PPP1R9A: variants seen among roughly 807,000 people sequenced by gnomAD.
PPP1R9A encodes the protein neurabin-1.
A neutral mutation model predicts 141.9 loss-of-function variants in PPP1R9A; 59 were observed. The observed-to-expected ratio is 0.42, with a 90% CI of 0.34 to 0.52. The LOEUF (loss-of-function observed/expected upper bound fraction) is 0.52. PPP1R9A is among the 20% of genes least tolerant of loss of function. The pLI, the probability that PPP1R9A is intolerant of heterozygous loss-of-function variation, is 0.10. For missense variants in PPP1R9A, 1,444 were observed against 1,611.9 expected, an observed-to-expected ratio of 0.90 and a Z score of 1.78; for synonymous variants, 500 against 569.7, an observed-to-expected ratio of 0.88 and a Z score of 1.74.
At chr7:95,232,359 A>G (rs570703238) in intron 8 of PPP1R9A, among the ~76,000 whole-genome samples, 31 of 152,298 alleles carry the variant, frequency 2.0e-4, no homozygotes, top group African/African-American at 6.3e-4. Flanking sequence ...TACACCTTAT[A>G]CAAAAATTAT....
intron 2 of PPP1R9A, among the ~76,000 whole-genome samples, chr7:95,048,777 C>T (rs1008657015): frequency 3.9e-5 from 6 of 152,020 alleles, no homozygotes; most frequent in African/African-American, 1.5e-4. Flanking sequence ...AAACTCCTGA[C>T]CTTGTGATCT....
Position 94,909,950 on chromosome 7 carries a change from G to A in PPP1R9A, c.-164G>A, listed in dbSNP as rs1411793543. On this transcript the variant is annotated 5_prime_UTR_variant, in exon 2 of 20. Coordinates refer to ENST00000433360, the MANE Select transcript of PPP1R9A (RefSeq NM_001166160.2). Reference sequence around the variant, plus strand: ...ATCATTCTGTGTAACTCTTGACTGTGACTAAGTTCCTAATACACCTGTTGG... The same window carrying A: ...ATCATTCTGTGTAACTCTTGACTGTAACTAAGTTCCTAATACACCTGTTGG... The A allele has an allele frequency of 3.6e-6, 2 of 563,322 alleles. No homozygotes were observed. Among genetic ancestry groups the A allele is most frequent in the Non-Finnish European group, 6.2e-6 (2 of 321,186 alleles). 34.9% of individuals were successfully genotyped at this position (563,322 alleles called of 1,614,324 possible).
intron 2 of PPP1R9A, among the ~76,000 whole-genome samples, chr7:95,072,994 T>A (rs984781803): frequency 7.3e-6 from 1 of 136,652 alleles, no homozygotes; most frequent in Non-Finnish European, 1.5e-5. Context: ...ATTATTATTA[T>A]TATTATTTTG....
At chr7:94,964,603 G>C (rs1405886625) in intron 2 of PPP1R9A, among the ~76,000 whole-genome samples, 1 of 152,086 alleles carries the variant, frequency 6.6e-6, no homozygotes, top group African/African-American at 2.4e-5. Flanking sequence ...TTCTGTTCCT[G>C]TCGTAGTTTG....
chr7:94,917,416 A>AT (rs539911354), intron 2 of PPP1R9A, among the ~76,000 whole-genome samples: 12 of 151,410 alleles, frequency 7.9e-5, no homozygotes, highest in Non-Finnish European at 1.6e-4. Context: ...AATTTAATTA[A>AT]TTTTTTTTGA....
intron 2 of PPP1R9A, among the ~76,000 whole-genome samples, chr7:95,033,704 G>T (rs1255496378): frequency 1.3e-5 from 2 of 151,928 alleles, no homozygotes; most frequent in Non-Finnish European, 2.9e-5. Context: ...GTCAGAGAAG[G>T]ATCCAATTCC....
chr7:94,941,581 A>C (rs961547823), intron 2 of PPP1R9A, among the ~76,000 whole-genome samples: 4 of 151,942 alleles, frequency 2.6e-5, no homozygotes, highest in Admixed American at 6.6e-5. Flanking sequence ...TGATATGGAA[A>C]GGTTTCAACT....
chr7:95,173,851 TTA>T (rs1832521412), intron 5 of PPP1R9A, among the ~76,000 whole-genome samples: 1 of 152,024 alleles, frequency 6.6e-6, no homozygotes, highest in South Asian at 2.1e-4. Context: ...AAGGCTGAAA[TTA>T]AAAAGACTGA....
At chr7:95,118,554 A>G (rs1170785365) in intron 3 of PPP1R9A, among the ~76,000 whole-genome samples, 2 of 152,204 alleles carry the variant, frequency 1.3e-5, no homozygotes, top group Non-Finnish European at 2.9e-5. Context: ...TTGCCAAGTG[A>G]CATCTTTTAA....
chr7:95,055,099 C>T (rs777627981), intron 2 of PPP1R9A, among the ~76,000 whole-genome samples: 8 of 152,128 alleles, frequency 5.3e-5, no homozygotes, highest in Non-Finnish European at 1.2e-4. Context: ...CTTGATACTT[C>T]TATTTCCAAA....
intron 5 of PPP1R9A, among the ~76,000 whole-genome samples, chr7:95,189,630 G>A (rs1835187349): frequency 1.3e-5 from 2 of 151,380 alleles, no homozygotes; most frequent in South Asian, 4.2e-4. Context: ...TAGAGACGGG[G>A]TTTCACCATT....
At chr7:94,912,226 G>T (rs1223505060) in intron 2 of PPP1R9A, among the ~76,000 whole-genome samples, 2 of 152,184 alleles carry the variant, frequency 1.3e-5, no homozygotes, top group Non-Finnish European at 2.9e-5. Context: ...AATGCCAATG[G>T]AATTCACATG....
intron 2 of PPP1R9A, among the ~76,000 whole-genome samples, chr7:94,987,659 T>C (rs1225409201): frequency 6.6e-6 from 1 of 152,174 alleles, no homozygotes; most frequent in African/African-American, 2.4e-5. Flanking sequence ...TTTATGAAAT[T>C]ATTTATAGTG....
At chr7:95,096,103 G>T (rs1020987572) in intron 2 of PPP1R9A, among the ~76,000 whole-genome samples, 1 of 152,132 alleles carries the variant, frequency 6.6e-6, no homozygotes, top group Admixed American at 6.6e-5. Context: ...CTTACAGATA[G>T]TGCTAAACCT....
At chr7:95,100,344 C>G (rs1374729280) in intron 2 of PPP1R9A, among the ~76,000 whole-genome samples, 1 of 152,120 alleles carries the variant, frequency 6.6e-6, no homozygotes, top group Admixed American at 6.5e-5. Context: ...TACAAAAATA[C>G]ATACTTGATT....
At chr7:95,264,624 A>G (rs1263174452) in intron 12 of PPP1R9A, among the ~76,000 whole-genome samples, 2 of 152,218 alleles carry the variant, frequency 1.3e-5, no homozygotes, top group Non-Finnish European at 2.9e-5. Context: ...AAATGCAGGT[A>G]TAGAGGTGGA....
chr7:95,234,309 G>C (rs1354526217), intron 8 of PPP1R9A, among the ~76,000 whole-genome samples: 1 of 152,140 alleles, frequency 6.6e-6, no homozygotes, highest in Admixed American at 6.5e-5. Context: ...TCCTAGAACT[G>C]GTAAATGAAT....
chr7:95,081,981 C>T (rs1164474229), intron 2 of PPP1R9A, among the ~76,000 whole-genome samples: 1 of 152,100 alleles, frequency 6.6e-6, no homozygotes, highest in Non-Finnish European at 1.5e-5. Context: ...CTTCAGGGGG[C>T]TTATAGTATT....
intron 2 of PPP1R9A, among the ~76,000 whole-genome samples, chr7:95,101,004 T>A (rs950917307): frequency 1.9e-4 from 28 of 150,772 alleles, no homozygotes; most frequent in Admixed American, 1.3e-4. Context: ...AGGCGCCCGC[T>A]ACCACGCCCG....
Sources: gnomAD v4.1 joint callset for allele counts (sites outside exome capture counted in the v4.1 genomes callset) on GRCh38, gnomAD v4.1.1 for gene constraint, MANE v1.5 for transcripts, NCBI Gene and HGNC (gene_info 2026-07-23, HGNC 2026-07-21) for gene names.